BRI3BP: variants seen among roughly 807,000 people sequenced by gnomAD.
The protein encoded by BRI3BP is BRI3 binding protein.
BRI3BP carries 7 observed loss-of-function variants against 15.8 expected under a neutral mutation model. The ratio of observed to expected loss-of-function variants is 0.44; its 90% CI spans 0.25 to 0.83. The LOEUF is 0.83. BRI3BP is among the 40% of genes least tolerant of loss of function. The pLI, the probability that BRI3BP is intolerant of heterozygous loss-of-function variation, is 0.20. For missense variants in BRI3BP, 320 were observed against 339.3 expected, an observed-to-expected ratio of 0.94 and a Z score of 0.45; for synonymous variants, 192 against 163.5, an observed-to-expected ratio of 1.17 and a Z score of -1.33.
chr12:125,047,524 T>C, the BRI3BP span, among the ~76,000 whole-genome samples: 2 of 150,426 alleles, frequency 1.3e-5, no homozygotes. Flanking sequence ...CAGGCTGGAG[T>C]GCAGTGGTGC....
the BRI3BP span, among the ~76,000 whole-genome samples, chr12:125,045,808 G>C: frequency 2.0e-5 from 3 of 152,036 alleles, no homozygotes; most frequent in East Asian, 3.9e-4. Context: ...TTTCTCAAAG[G>C]GTTTTAGTTC....
At chr12:125,007,854 C>T (rs529523676) in intron 1 of BRI3BP, among the ~76,000 whole-genome samples, 3 of 152,148 alleles carry the variant, frequency 2.0e-5, no homozygotes, top group Admixed American at 6.5e-5. Context: ...ATTCTGTGAG[C>T]AGATCATGTC....
At chr12:125,016,950 C>T (rs1955250914) in intron 2 of BRI3BP, among the ~76,000 whole-genome samples, 1 of 150,394 alleles carries the variant, frequency 6.6e-6, no homozygotes, top group Admixed American at 6.7e-5. Flanking sequence ...ATCCTCCCAC[C>T]TCAGCTTCCC....
At chr12:125,021,106 T>C (rs1240635341) in intron 2 of BRI3BP, among the ~76,000 whole-genome samples, 1 of 152,098 alleles carries the variant, frequency 6.6e-6, no homozygotes, top group Admixed American at 6.6e-5. Context: ...GAAAGTCAGC[T>C]CCCAAGTCAA....
At position 125,016,825 on chromosome 12, in the gene BRI3BP, C is replaced by CGTTT. The variant is rs1470443683; in HGVS notation, c.316+4189_316+4190insGTTT. Among the ~76,000 whole-genome samples, 18 of 39,778 alleles carry CGTTT rather than the reference C, an allele frequency of 4.5e-4. 1 individual carries two copies. Among genetic ancestry groups the CGTTT allele is most frequent in the African/African-American group, 1.7e-3 (17 of 10,204 alleles). 26.1% of individuals were successfully genotyped at this position (39,778 alleles called of 152,430 possible). A position where few individuals can be genotyped will look rare whatever the true frequency, so the allele number is the denominator to read the frequency against. ...ACGGGCATGAGCCACTGCGCCCAGC[C>CGTTT]TTTTTTTTTTTTTTTTTTTTTTTTT... is the stretch of plus-strand genomic sequence containing the variant. On this transcript the variant is annotated intron_variant, in intron 2 of 2. Transcript: ENST00000341446.
the BRI3BP span, among the ~76,000 whole-genome samples, chr12:125,042,872 T>C: frequency 6.6e-6 from 1 of 152,126 alleles, no homozygotes; most frequent in Admixed American, 6.6e-5. Context: ...AGCCTTGAAC[T>C]CCTGGCCTCA....
the BRI3BP span, among the ~76,000 whole-genome samples, chr12:125,042,972 C>T: frequency 0.021 from 3,231 of 152,038 alleles, 123 homozygotes; most frequent in African/African-American, 0.074. Context: ...TCATTTTATC[C>T]ATCTTCTATT....
At chr12:125,050,171 C>T in the BRI3BP span, among the ~76,000 whole-genome samples, 1 of 151,834 alleles carries the variant, frequency 6.6e-6, no homozygotes, top group Non-Finnish European at 1.5e-5. Flanking sequence ...GCCAACATGG[C>T]GAAACCCCGT....
At chr12:125,034,665 G>C (rs550826231), downstream of BRI3BP, among the ~76,000 whole-genome samples, 8 of 151,688 alleles carry the variant, frequency 5.3e-5, no homozygotes, top group Middle Eastern at 6.8e-3. Flanking sequence ...TCTTGGCTCA[G>C]TGCAACCTCT....
At chr12:125,024,289 A>G (rs937090273) in intron 2 of BRI3BP, among the ~76,000 whole-genome samples, 4 of 130,130 alleles carry the variant, frequency 3.1e-5, no homozygotes, top group Admixed American at 8.6e-5. Flanking sequence ...CAAGAACAGC[A>G]TGGGGAAACC....
chr12:125,022,317 C>T (rs750837646), intron 2 of BRI3BP, among the ~76,000 whole-genome samples: 21 of 151,994 alleles, frequency 1.4e-4, no homozygotes, highest in Admixed American at 2.6e-4. Context: ...GGACCTCCTG[C>T]AAGAAAACCA....
chr12:125,025,474 T>C lies in BRI3BP; in HGVS notation c.*44T>C, dbSNP rs1955345315. ...GGTCCACAGTTACCAGCACGCTGTC[T>C]CAGAAAACGAAAACGGAGGAAAAAA... On this transcript the variant is annotated 3_prime_UTR_variant, in exon 3 of 3. Transcript: ENST00000341446. 6.7e-7 allele frequency: 1 copy of C among 1,484,414 alleles called. No homozygotes were observed. The highest frequency in any genetic ancestry group is 2.5e-5 in the Admixed American group (1 of 39,258). 92.0% of individuals were successfully genotyped at this position (1,484,414 alleles called of 1,614,324 possible). A position where few individuals can be genotyped will look rare whatever the true frequency, so the allele number is the denominator to read the frequency against.
intron 2 of BRI3BP, among the ~76,000 whole-genome samples, chr12:125,017,674 G>A (rs1407606010): frequency 1.3e-5 from 2 of 152,156 alleles, no homozygotes; most frequent in Non-Finnish European, 2.9e-5. Flanking sequence ...TAGATCTGCT[G>A]GCACAGAGCA....
Position 125,022,541 on chromosome 12 carries a change from A to ATTTTTTTT in BRI3BP, c.317-2444_317-2443insTTTTTTTT, listed in dbSNP as rs770844998. 7.1e-4 allele frequency among the ~76,000 whole-genome samples: 99 copies of ATTTTTTTT among 139,396 alleles called. 2 individuals carry two copies. Among genetic ancestry groups the ATTTTTTTT allele is most frequent in the African/African-American group, 2.3e-3 (80 of 34,522 alleles). 91.4% of individuals were successfully genotyped at this position (139,396 alleles called of 152,430 possible). On this transcript the variant is annotated intron_variant, in intron 2 of 2. Transcript: ENST00000341446. ...TTATTATTTATTTATTTATTTATTT[A>ATTTTTTTT]TTTTTTGAGACAGAGCCTCACTGTG...
the BRI3BP span, among the ~76,000 whole-genome samples, chr12:125,040,641 C>T: frequency 6.6e-6 from 1 of 151,994 alleles, no homozygotes; most frequent in African/African-American, 2.4e-5. Flanking sequence ...CTGCGCCCCA[C>T]CTCAAAGTAT....
At chr12:125,050,127 C>A in the BRI3BP span, among the ~76,000 whole-genome samples, 1 of 152,048 alleles carries the variant, frequency 6.6e-6, no homozygotes, top group Non-Finnish European at 1.5e-5. Flanking sequence ...CTGAGCCGGG[C>A]GGATCACGAG....
intron 1 of BRI3BP, among the ~76,000 whole-genome samples, chr12:125,004,919 C>T (rs547137124): frequency 6.6e-6 from 1 of 152,174 alleles, no homozygotes; most frequent in East Asian, 1.9e-4. Context: ...GATCTCTGCT[C>T]ACTGCAACCT....
chr12:125,025,694 G>C lies in BRI3BP; in HGVS notation c.*264G>C, dbSNP rs1955348442. On this transcript the variant is annotated 3_prime_UTR_variant, in exon 3 of 3. Transcript: ENST00000341446. ...TAAACAAAGGATATAACCATATTTA[G>C]TTGTACAGTAAGAGAAATTTATCTG... The C allele has an allele frequency of 2.6e-6, 1 of 385,946 alleles. No individual in the cohort carries two copies. Among genetic ancestry groups the C allele is most frequent in the Admixed American group, 4.2e-5 (1 of 23,580 alleles). 23.9% of individuals were successfully genotyped at this position (385,946 alleles called of 1,614,324 possible). A position where few individuals can be genotyped will look rare whatever the true frequency, so the allele number is the denominator to read the frequency against.
At chr12:125,014,342 T>C (rs1358176724) in intron 2 of BRI3BP, among the ~76,000 whole-genome samples, 1 of 152,200 alleles carries the variant, frequency 6.6e-6, no homozygotes, top group African/African-American at 2.4e-5. Flanking sequence ...CTGCAGTTGC[T>C]GCATGTGGCA....
Sources: gnomAD v4.1 joint callset for allele counts (sites outside exome capture counted in the v4.1 genomes callset) on GRCh38, gnomAD v4.1.1 for gene constraint, MANE v1.5 for transcripts, NCBI Gene and HGNC (gene_info 2026-07-23, HGNC 2026-07-21) for gene names.